The following LEMD2 variants were observed in gnomAD, a reference collection of about 807,000 sequenced individuals.
The protein encoded by LEMD2 is LEM domain-containing protein 2.
LEMD2 carries 34 observed loss-of-function variants against 58.8 expected under a neutral mutation model. That is an observed-to-expected ratio of 0.58 (90% CI 0.44 to 0.77). The LOEUF (loss-of-function observed/expected upper bound fraction) is 0.77. Ranked by LOEUF, LEMD2 falls within the 30% of genes least tolerant of loss-of-function variation. The probability of loss-of-function intolerance (pLI) is 0.00; values close to 1 mark genes in which losing one functional copy is unlikely to be tolerated. For missense variants in LEMD2, 629 were observed against 717.9 expected (o/e 0.88, Z 1.42); for synonymous variants, 298 against 308.9 (o/e 0.96, Z 0.37).
At chr6:33,787,805 AATG>A (rs1767715425) in intron 1 of LEMD2, among the ~76,000 whole-genome samples, 1 of 152,174 alleles carries the variant, frequency 6.6e-6, no homozygotes, top group South Asian at 2.1e-4. Context: ...TGCTACAAGC[AATG>A]ATAAGGGCCT....
Position 33,786,782 on chromosome 6 carries a change from CAAGAA to C in LEMD2, c.737-13_737-9del, listed in dbSNP as rs752305234. The C allele has an allele frequency of 1.2e-6, 2 of 1,613,040 alleles. No individual in the cohort carries two copies. The highest frequency in any genetic ancestry group is 1.3e-5 in the African/African-American group (1 of 74,816). On this transcript the variant is annotated splice_polypyrimidine_tract_variant and intron_variant, in intron 1 of 8. Coordinates refer to ENST00000293760, the MANE Select transcript of LEMD2 (RefSeq NM_181336.4). ...CCACTGGCAATAACTTCACTGAGAC[CAAGAA>C]AAGAAACACAGAGGAAATTAAGTGT...
In LEMD2 at chr6:33,777,164, A is replaced by G. The variant is rs746062107; in HGVS notation, c.1232T>C (p.Met411Thr). 1 of 1,614,118 alleles carries G rather than the reference A, an allele frequency of 6.2e-7. No individual in the cohort carries two copies. Among genetic ancestry groups the G allele is most frequent in the Non-Finnish European group, 8.5e-7 (1 of 1,179,994 alleles). The change falls in exon 7 of 9, where the codon ATG (methionine) becomes ACG (threonine). Residue 411 changes from methionine to threonine, a missense_variant. Physicochemically the swap from Met to Thr is moderately conservative, Grantham distance 81. Coordinates refer to ENST00000293760, the MANE Select transcript of LEMD2 (RefSeq NM_181336.4). ...TATAATCTTCTTCACCATCTCATAC[A>G]TGGCTTGTTCCTCCTCTTCTAACTT... Reference protein sequence around the residue: ...WRKLEEEEQAMYEMVKKIIDV... With the variant: ...WRKLEEEEQATYEMVKKIIDV...
At chr6:33,776,213 T>G (rs1767426405) in intron 8 of LEMD2, among the ~76,000 whole-genome samples, 1 of 152,258 alleles carries the variant, frequency 6.6e-6, no homozygotes, top group African/African-American at 2.4e-5. Flanking sequence ...AGTGTACGCA[T>G]GCGTGTGTGG....
intron 8 of LEMD2, chr6:33,776,630 G>A (rs368287027): frequency 1.3e-5 from 5 of 372,676 alleles, no homozygotes; most frequent in East Asian, 5.8e-5. Context: ...TACAGAGACT[G>A]AGGAGATCCT....
intron 8 of LEMD2, 43 bp from the exon 9 acceptor site, chr6:33,772,821 G>A (rs755153489): frequency 1.1e-5 from 17 of 1,573,028 alleles, no homozygotes; most frequent in Non-Finnish European, 1.5e-5. Flanking sequence ...CTGCCGAGGT[G>A]AGCCAGCCTG....
chr6:33,778,347 C>T lies in LEMD2; in HGVS notation c.1051G>A (p.Asp351Asn). 1 of 1,599,088 alleles carries T rather than the reference C, an allele frequency of 6.3e-7. No individual in the cohort carries two copies. The highest frequency in any genetic ancestry group is 8.5e-7 in the Non-Finnish European group (1 of 1,171,622). ...GCAGATTCCAGGCAGACCACCTTGTCCACAGTCGTCACCAATTCAGACTGG... is the reference window on the plus strand; with the variant it reads ...GCAGATTCCAGGCAGACCACCTTGTTCACAGTCGTCACCAATTCAGACTGG... ...EDQSELVTTV[D>N]KVVCLESAHP... Residue 351 changes from aspartate to asparagine, a missense_variant, in exon 6 of 9, where the codon GAC becomes AAC. Asp to Asn is a conservative substitution (Grantham distance 23). Around this residue, in one of 2 missense-constraint regions of LEMD2, gnomAD observed 243 missense variants for 336.8 expected, o/e 0.72. Coordinates refer to ENST00000293760, the MANE Select transcript of LEMD2 (RefSeq NM_181336.4). This position sits in a 1 kb window ranked among gnomAD's most constrained non-coding sequence, Gnocchi z 4.7.
At position 33,778,295 on chromosome 6, in the gene LEMD2, C is replaced by T. The variant is rs768891530; in HGVS notation, c.1103G>A (p.Arg368His). Reference sequence around the variant, plus strand: ...AGCAGTGAGCAAGGCCCGGCTCAGGCGGCAGCCAACACCCATGCGGGGGTG... The same window carrying T: ...AGCAGTGAGCAAGGCCCGGCTCAGGTGGCAGCCAACACCCATGCGGGGGTG... ...SAHPRMGVGC[R>H]LSRALLTAVT... The change falls in exon 6 of 9, where the codon CGC (arginine) becomes CAC (histidine). Residue 368 changes from arginine to histidine, a missense_variant. This residue lies in a region of LEMD2 where 243 missense variants were observed against 336.8 expected (regional missense o/e 0.72). Coordinates refer to ENST00000293760, the MANE Select transcript of LEMD2 (RefSeq NM_181336.4). This position sits in a 1 kb window ranked among gnomAD's most constrained non-coding sequence, Gnocchi z 4.7. 18 of 1,609,220 alleles carry T rather than the reference C, an allele frequency of 1.1e-5. No individual in the cohort carries two copies. The highest frequency in any genetic ancestry group is 2.2e-5 in the East Asian group (1 of 44,594).
rs1261878819 is a variant in LEMD2, at chr6:33,786,824, G to A, written c.737-50C>T. The A allele has an allele frequency of 2.5e-6, 4 of 1,607,780 alleles. No homozygotes were observed. The Admixed American group carries it at 5.1e-5, about 20-fold the overall frequency. ...AGGAAATTAAGTGTGGGTTGAGAAAGGAATACAAAAAGAGACTACTCACAA... is the reference window on the plus strand; with the variant it reads ...AGGAAATTAAGTGTGGGTTGAGAAAAGAATACAAAAAGAGACTACTCACAA... On this transcript the variant is annotated intron_variant, in intron 1 of 8. Transcript: ENST00000293760.
intron 2 of LEMD2, 50 bp from the exon 3 acceptor site, chr6:33,784,477 G>GGGGGGGGGGGCCCCC: frequency 4.6e-6 from 2 of 430,798 alleles, no homozygotes; most frequent in Non-Finnish European, 9.5e-6. Flanking sequence ...GGTGGGAGGG[G>GGGGGGGGGGGCCCCC]TCCGTCTGTC....
In LEMD2 at chr6:33,780,209, C is replaced by T. The variant is rs369101479; in HGVS notation, c.931-30G>A. On this transcript the variant is annotated intron_variant, in intron 4 of 8. Transcript: ENST00000293760. ...GGGAGGGCGCGGGAGAAGGTTAGTT[C>T]GGCGTCTGGGCGGAGCAGCTGGAAC... 1.7e-5 allele frequency: 27 copies of T among 1,551,770 alleles called. No individual in the cohort carries two copies. In the South Asian group the frequency reaches 1.8e-4, roughly 10 times the overall value.
Position 33,788,380 on chromosome 6 carries a change from C to CTGTT in LEMD2, c.733_736dup (p.Met246LysfsTer10). On this transcript the variant is annotated frameshift_variant and splice_region_variant. Coordinates refer to ENST00000293760, the MANE Select transcript of LEMD2 (RefSeq NM_181336.4). LOFTEE classifies it high-confidence loss of function. Reference sequence around the variant, plus strand: ...CTCCCCTGCGCCGGCCCAGGACGTACTGTTGTCCTCCGCCTCCTGCGGCGC... The same window carrying CTGTT: ...CTCCCCTGCGCCGGCCCAGGACGTACTGTTTGTTGTCCTCCGCCTCCTGCGGCGC... 6.4e-7 allele frequency: 1 copy of CTGTT among 1,571,806 alleles called. No homozygotes were observed. The highest frequency in any genetic ancestry group is 8.6e-7 in the Non-Finnish European group (1 of 1,160,686).
rs1395256193 is a variant in LEMD2, at chr6:33,778,470, G to C, written c.1011-83C>G. The C allele has an allele frequency of 2.5e-6, 3 of 1,198,362 alleles. No homozygotes were observed. Among genetic ancestry groups the C allele is most frequent in the Admixed American group, 5.6e-5 (2 of 35,454 alleles). The allele number at this position is 1,198,362 out of a possible 1,614,324, so 74.2% of individuals were successfully genotyped here. ...AGCCCCACTTCAAACAGGAGGAAGCGAAGGAAAGTGGGGACGCAAGGCCTC... is the reference window on the plus strand; with the variant it reads ...AGCCCCACTTCAAACAGGAGGAAGCCAAGGAAAGTGGGGACGCAAGGCCTC... On this transcript the variant is annotated intron_variant, in intron 5 of 8. Transcript: ENST00000293760. The surrounding 1 kb of genome is among the most constrained non-coding windows in gnomAD (Gnocchi z 4.7).
chr6:33,780,127 A>C lies in LEMD2; in HGVS notation c.983T>G (p.Leu328Arg), dbSNP rs1017488452. The C allele has an allele frequency of 2.5e-6, 4 of 1,595,644 alleles. No individual in the cohort carries two copies. The African/African-American group carries it at 4.0e-5, about 16-fold the overall frequency. Residue 328 changes from leucine (L) to arginine (R), a missense_variant, in exon 5 of 9, where the codon CTG becomes CGG. Leu to Arg is a moderately radical substitution (Grantham distance 102, BLOSUM62 -2). This residue lies in a region of LEMD2 where 243 missense variants were observed against 336.8 expected (regional missense o/e 0.72). Coordinates refer to ENST00000293760, the MANE Select transcript of LEMD2 (RefSeq NM_181336.4). ...AKFEAALTWI[L>R]SSNKDVGIWL... is the part of the protein sequence containing the mutation. ...GATGCCCACGTCCTTGTTACTGCTCAGTATCCAGGTCAGTGCGGCTTCAAA... is the reference window on the plus strand; with the variant it reads ...GATGCCCACGTCCTTGTTACTGCTCCGTATCCAGGTCAGTGCGGCTTCAAA...
chr6:33,772,502 G>GT lies in LEMD2; in HGVS notation c.*125dup. The GT allele has an allele frequency of 1.2e-6, 1 of 853,478 alleles. No homozygotes were observed. Among genetic ancestry groups the GT allele is most frequent in the Non-Finnish European group, 1.8e-6 (1 of 549,908 alleles). The allele number at this position is 853,478 out of a possible 1,614,324, so 52.9% of individuals were successfully genotyped here. On this transcript the variant is annotated 3_prime_UTR_variant, in exon 9 of 9. Transcript: ENST00000293760. ...AAGAGTATGGCAGACCTTTGGAATC[G>GT]TGTCAGGACGAGACTGAAAGTCAAG... is the stretch of plus-strand genomic sequence containing the variant.
At chr6:33,774,713 A>G (rs111352628) in intron 8 of LEMD2, among the ~76,000 whole-genome samples, 33,450 of 151,958 alleles carry the variant, frequency 0.22, 3,846 homozygotes, top group Admixed American at 0.29. Flanking sequence ...TACAGGCATG[A>G]GCCACCGTGC....
chr6:33,786,690 T>C lies in LEMD2; in HGVS notation c.777+44A>G, dbSNP rs529943223. The stretch of plus-strand genomic sequence containing the variant: ...AAGTTTACCTCCTGATGGAGGCTAA[T>C]ATCCTCAGGAAGAATAATAAAAACC... On this transcript the variant is annotated intron_variant, in intron 2 of 8. Coordinates refer to ENST00000293760, the MANE Select transcript of LEMD2 (RefSeq NM_181336.4). The C allele has an allele frequency of 8.7e-6, 13 of 1,493,624 alleles. No homozygotes were observed. The South Asian group carries it at 1.0e-4, about 12-fold the overall frequency. 92.5% of individuals were successfully genotyped at this position (1,493,624 alleles called of 1,614,324 possible).
chr6:33,784,375 T>A lies in LEMD2; in HGVS notation c.830A>T (p.Tyr277Phe), dbSNP rs770496563. Residue 277 changes from tyrosine (Y) to phenylalanine (F), a missense_variant, in exon 3 of 9, where the codon TAC becomes TTC. By Grantham distance (22) the Tyr-to-Phe change is conservative. This residue lies in a region of LEMD2 where 243 missense variants were observed against 336.8 expected (regional missense o/e 0.72). Transcript: ENST00000293760. The stretch of plus-strand genomic sequence containing the variant: ...ACCAGCTTGGATGGCCAGGAAATTG[T>A]AGAGTTCATGCAGCAGCTCCAGCAA... Reference protein sequence around the residue: ...AALLELLHELYNFLAIQAGNF... With the variant: ...AALLELLHELFNFLAIQAGNF... 6.3e-7 allele frequency: 1 copy of A among 1,594,764 alleles called. No individual in the cohort carries two copies. The highest frequency in any genetic ancestry group is 8.5e-7 in the Non-Finnish European group (1 of 1,175,864).
intron 3 of LEMD2, 38 bp from the exon 4 acceptor site, chr6:33,781,191 G>T: frequency 7.7e-7 from 1 of 1,295,212 alleles, no homozygotes; most frequent in Non-Finnish European, 1.1e-6. Context: ...AAACACAAAG[G>T]AAAAATCACT....
chr6:33,778,195 G>C lies in LEMD2; in HGVS notation c.1156+47C>G. The C allele has an allele frequency of 6.6e-7, 1 of 1,511,060 alleles. No homozygotes were observed. The highest frequency in any genetic ancestry group is 1.3e-5 in the South Asian group (1 of 76,262). 93.6% of individuals were successfully genotyped at this position (1,511,060 alleles called of 1,614,324 possible). On this transcript the variant is annotated intron_variant, in intron 6 of 8. Coordinates refer to ENST00000293760, the MANE Select transcript of LEMD2 (RefSeq NM_181336.4). This position sits in a 1 kb window ranked among gnomAD's most constrained non-coding sequence, Gnocchi z 4.7. Reference sequence around the variant, plus strand: ...TATAGCTCATCATTCATGCCTAGGAGTATGCTTGACTGCACAGAAGGGGAG... The same window carrying C: ...TATAGCTCATCATTCATGCCTAGGACTATGCTTGACTGCACAGAAGGGGAG...
Sources: gnomAD v4.1 joint callset for allele counts (sites outside exome capture counted in the v4.1 genomes callset) on GRCh38, gnomAD v4.1.1 for gene constraint, gnomAD v4.1.1 regional missense constraint, Gnocchi (gnomAD v3.1) non-coding constraint, MANE v1.5 for transcripts, NCBI Gene and HGNC (gene_info 2026-07-23, HGNC 2026-07-21) for gene names.